PPP2R2B: variants seen among roughly 807,000 people sequenced by gnomAD.
PPP2R2B encodes the protein protein phosphatase 2 regulatory subunit Bbeta.
In PPP2R2B, 5 loss-of-function variants were observed where a neutral mutation model predicts 46.0. That is an observed-to-expected ratio of 0.11 (90% confidence interval 0.06 to 0.23). The LOEUF is 0.23. PPP2R2B is among the 10% of genes least tolerant of loss of function. The probability of loss-of-function intolerance (pLI) is 1.00; values close to 1 mark genes in which losing one functional copy is unlikely to be tolerated. For missense variants in PPP2R2B, 367 were observed against 575.0 expected (o/e 0.64, Z 3.70); for synonymous variants, 215 against 206.7 (o/e 1.04, Z -0.34).
upstream of PPP2R2B, among the ~76,000 whole-genome samples, chr5:147,057,266 CAT>C (rs1419772440): frequency 6.6e-6 from 1 of 152,164 alleles, no homozygotes; most frequent in African/African-American, 2.4e-5. Context: ...CTGCAATAAT[CAT>C]ATTACCTCCT....
chr5:146,757,511 G>A (rs1217559822), intron 2 of PPP2R2B, among the ~76,000 whole-genome samples: 1 of 152,122 alleles, frequency 6.6e-6, no homozygotes, highest in Non-Finnish European at 1.5e-5. Context: ...GGCGAGAGAT[G>A]GAAGCCCCAT....
intron 7 of PPP2R2B, among the ~76,000 whole-genome samples, chr5:146,633,732 G>C (rs1400069276): frequency 6.6e-6 from 1 of 152,204 alleles, no homozygotes; most frequent in African/African-American, 2.4e-5. Flanking sequence ...CTTCTCTGGG[G>C]CTGTGTGGGG....
At chr5:146,955,202 T>A (rs961231300) in intron 1 of PPP2R2B, among the ~76,000 whole-genome samples, 3 of 152,166 alleles carry the variant, frequency 2.0e-5, no homozygotes, top group African/African-American at 7.2e-5. Context: ...GGAATCAGAA[T>A]AATTAAAAGC....
chr5:146,842,472 C>T (rs1759713495), intron 2 of PPP2R2B, among the ~76,000 whole-genome samples: 1 of 147,852 alleles, frequency 6.8e-6, no homozygotes, highest in African/African-American at 2.6e-5. Context: ...AAAAAAATAC[C>T]TCCATGCCCT....
intron 1 of PPP2R2B, among the ~76,000 whole-genome samples, chr5:146,925,912 G>A (rs1467446813): frequency 2.0e-5 from 3 of 152,002 alleles, no homozygotes; most frequent in Non-Finnish European, 4.4e-5. Flanking sequence ...CAAATCTGTT[G>A]TTGAACTCTC....
intron 2 of PPP2R2B, among the ~76,000 whole-genome samples, chr5:147,065,470 T>C (rs923354965): frequency 2.0e-5 from 3 of 151,874 alleles, no homozygotes; most frequent in Non-Finnish European, 4.4e-5. Context: ...ATGAAGCTTT[T>C]TGGGAGGCGA....
At chr5:146,844,927 TAAAGCTCTGTAG>T (rs951550323) in intron 2 of PPP2R2B, among the ~76,000 whole-genome samples, 2 of 152,186 alleles carry the variant, frequency 1.3e-5, no homozygotes, top group African/African-American at 4.8e-5. Context: ...CCCCTTCCCC[TAAAGCTCTGTAG>T]ATTTCAGAGC....
intron 2 of PPP2R2B, among the ~76,000 whole-genome samples, chr5:146,858,078 C>T (rs543017746): frequency 6.6e-6 from 1 of 152,270 alleles, no homozygotes; most frequent in East Asian, 1.9e-4. Flanking sequence ...ATTACAGGCA[C>T]CGTCACTTTT....
chr5:147,016,463 TTTTCTTATTTTA>T (rs1373052126), intron 1 of PPP2R2B, among the ~76,000 whole-genome samples: 1 of 69,832 alleles, frequency 1.4e-5, no homozygotes, highest in African/African-American at 6.2e-5. Context: ...TAACATTAGG[TTTTCTTATTTTA>T]TTTCCTTGTA....
rs1449667694 is a variant in PPP2R2B, at chr5:146,580,762, T to C, written c.*9185A>G. Among the ~76,000 whole-genome samples the C allele has an allele frequency of 6.7e-6, 1 of 149,200 alleles. No homozygotes were observed. The highest frequency in any genetic ancestry group is 2.0e-4 in the East Asian group (1 of 5,020). On this transcript the variant is annotated 3_prime_UTR_variant, in exon 10 of 10. Transcript: ENST00000394411. Reference sequence around the variant, plus strand: ...AGAGGTCACATTAGGAAGAATTTATTGAATGCTAGATAACATGGAAAAGCT... The same window carrying C: ...AGAGGTCACATTAGGAAGAATTTATCGAATGCTAGATAACATGGAAAAGCT...
At chr5:146,597,486 A>G (rs1771292043) in intron 8 of PPP2R2B, among the ~76,000 whole-genome samples, 1 of 152,108 alleles carries the variant, frequency 6.6e-6, no homozygotes, top group Non-Finnish European at 1.5e-5. Flanking sequence ...CTCCTTTAGC[A>G]TATATATTCA....
intron 2 of PPP2R2B, among the ~76,000 whole-genome samples, chr5:146,724,221 C>A: frequency 6.6e-6 from 1 of 152,018 alleles, no homozygotes; most frequent in African/African-American, 2.4e-5. Flanking sequence ...ATTTCAAATC[C>A]AGGTTTTGCA....
intron 2 of PPP2R2B, among the ~76,000 whole-genome samples, chr5:146,740,573 T>TCACACACACACACA (rs3995489): frequency 7.2e-6 from 1 of 138,014 alleles, no homozygotes; most frequent in East Asian, 2.2e-4. Context: ...TAAAATGAGA[T>TCACACACACACACA]CACACACACA....
chr5:146,697,703 C>T (rs1420565633), intron 4 of PPP2R2B, among the ~76,000 whole-genome samples: 3 of 152,120 alleles, frequency 2.0e-5, no homozygotes, highest in Non-Finnish European at 4.4e-5. Context: ...AAGTCACATT[C>T]CAAAAACACC....
rs370953967 is a variant in PPP2R2B at position 146,758,478 on chromosome 5, T to A, written c.71-57336A>T. 2.1e-4 allele frequency among the ~76,000 whole-genome samples: 32 copies of A among 152,272 alleles called. No individual in the cohort carries two copies. In the East Asian group the frequency reaches 2.5e-3, roughly 12 times the overall value. ...TTAATAAAATACAAATACGGCACTATCATGATGAAATAACAGCAAATGTTT... is the reference window on the plus strand; with the variant it reads ...TTAATAAAATACAAATACGGCACTAACATGATGAAATAACAGCAAATGTTT... On this transcript the variant is annotated intron_variant, in intron 2 of 9. Coordinates refer to ENST00000394411, the MANE Select transcript of PPP2R2B (RefSeq NM_181675.4).
chr5:146,723,746 A>C (rs1186872820), intron 2 of PPP2R2B, among the ~76,000 whole-genome samples: 1 of 152,096 alleles, frequency 6.6e-6, no homozygotes, highest in Admixed American at 6.6e-5. Context: ...ACAGGTCCTG[A>C]AACCCTTCTC....
chr5:146,626,633 G>T (rs1216963269), intron 7 of PPP2R2B, among the ~76,000 whole-genome samples: 5 of 152,140 alleles, frequency 3.3e-5, no homozygotes, highest in African/African-American at 1.2e-4. Flanking sequence ...TGCTTTGCTA[G>T]TGATAGCTTG....
At chr5:146,638,217 C>T in intron 7 of PPP2R2B, 34 bp downstream of exon 7, 1 of 1,598,396 alleles carries the variant, frequency 6.3e-7, no homozygotes, top group Non-Finnish European at 8.5e-7. Context: ...GGGCCAGTGG[C>T]CATGCCCCCC....
intron 7 of PPP2R2B, among the ~76,000 whole-genome samples, chr5:146,616,490 A>G (rs1043996950): frequency 2.6e-5 from 4 of 152,206 alleles, no homozygotes; most frequent in African/African-American, 9.6e-5. Flanking sequence ...ACAAGGGATT[A>G]ATTACCAGAA....
Sources: allele counts gnomAD v4.1 joint callset (sites outside exome capture counted in the v4.1 genomes callset), GRCh38; gene constraint gnomAD v4.1.1; transcripts MANE v1.5; gene names NCBI Gene and HGNC (gene_info 2026-07-23, HGNC 2026-07-21).